The following PREX2 variants were observed in gnomAD, a reference collection of about 807,000 sequenced individuals.
PREX2 encodes phosphatidylinositol 3,4,5-trisphosphate-dependent Rac exchanger 2 protein.
Under a neutral mutation model 203.2 loss-of-function variants are expected in PREX2, and 107 were observed. The ratio of observed to expected loss-of-function variants is 0.53; its 90% confidence interval spans 0.45 to 0.62. The LOEUF (loss-of-function observed/expected upper bound fraction) is 0.62, where lower values mean the gene tolerates loss of function less well. Ranked by LOEUF, PREX2 falls within the 20% of genes least tolerant of loss-of-function variation. PREX2 has a pLI of 0.00. For missense variants in PREX2, 1,777 were observed against 1,955.9 expected, an observed-to-expected ratio of 0.91 and a Z score of 1.72; for synonymous variants, 672 against 663.6, an observed-to-expected ratio of 1.01 and a Z score of -0.19.
chr8:68,035,821 G>T (rs1359362086), intron 6 of PREX2, among the ~76,000 whole-genome samples: 2 of 152,234 alleles, frequency 1.3e-5, no homozygotes, highest in African/African-American at 4.8e-5. Flanking sequence ...AAGTGTTAAA[G>T]GTACATCATC....
intron 2 of PREX2, among the ~76,000 whole-genome samples, chr8:68,019,158 C>G (rs1807490630): frequency 6.6e-6 from 1 of 152,218 alleles, no homozygotes; most frequent in African/African-American, 2.4e-5. Context: ...AGAGCTGTCC[C>G]AGCTTTTACT....
chr8:68,113,248 T>G (rs542196872), intron 25 of PREX2, among the ~76,000 whole-genome samples: 18 of 152,202 alleles, frequency 1.2e-4, no homozygotes, highest in Non-Finnish European at 2.5e-4. Context: ...TGCAGCTGTT[T>G]TAAATAAAAA....
chr8:68,219,266 C>T (rs1812906216), intron 38 of PREX2, among the ~76,000 whole-genome samples: 2 of 151,756 alleles, frequency 1.3e-5, no homozygotes, highest in South Asian at 2.1e-4. Flanking sequence ...ATATCAAATA[C>T]GTTAACTTCT....
chr8:68,067,157 G>A (rs142422904), intron 11 of PREX2, among the ~76,000 whole-genome samples: 5 of 152,058 alleles, frequency 3.3e-5, no homozygotes, highest in African/African-American at 1.2e-4. Context: ...GTAATGTCAT[G>A]CCTTCAGCTT....
chr8:68,093,782 C>A lies in PREX2; in HGVS notation c.2368+60C>A, dbSNP rs574569432. The A allele has an allele frequency of 1.3e-5, 11 of 861,952 alleles. No individual in the cohort carries two copies. The East Asian group carries it at 2.2e-4, about 17-fold the overall frequency. 53.4% of individuals were successfully genotyped at this position (861,952 alleles called of 1,614,324 possible). ...GTATTCTTTTCCACTGTGCATGTGC[C>A]TACTCCCAAATATTGAAGGTCCTGT... is the stretch of plus-strand genomic sequence containing the variant. On this transcript the variant is annotated intron_variant, in intron 21 of 39. Transcript: ENST00000288368.
rs958367166 is a variant in PREX2, at chr8:68,232,388, T to C, written c.*1010T>C. 4.0e-5 allele frequency: 6 copies of C among 151,564 alleles called. No homozygotes were observed. The East Asian group carries it at 1.2e-3, about 30-fold the overall frequency. 9.4% of individuals were successfully genotyped at this position (151,564 alleles called of 1,614,324 possible). ...TTTAAAAGGACCATTAGGGGACTTG[T>C]AATTTATGGATGCACAAGGTGTATT... On this transcript the variant is annotated 3_prime_UTR_variant, in exon 40 of 40. Transcript: ENST00000288368.
intron 39 of PREX2, among the ~76,000 whole-genome samples, chr8:68,225,812 C>T (rs922114710): frequency 7.2e-5 from 11 of 152,122 alleles, no homozygotes; most frequent in African/African-American, 2.4e-4. Flanking sequence ...TTTTTACATA[C>T]GCATTCTCCA....
At chr8:68,024,688 C>T (rs2062684917) in intron 4 of PREX2, among the ~76,000 whole-genome samples, 1 of 151,702 alleles carries the variant, frequency 6.6e-6, no homozygotes, top group Non-Finnish European at 1.5e-5. Flanking sequence ...TTACTTTTTC[C>T]TACATGTCTT....
intron 19 of PREX2, among the ~76,000 whole-genome samples, chr8:68,089,325 C>G (rs144107870): frequency 2.0e-4 from 30 of 152,118 alleles, no homozygotes; most frequent in Middle Eastern, 3.4e-3. Flanking sequence ...GTTTTTTTTG[C>G]TCCTCAAAAT....
rs1439468218 is a variant in PREX2 at position 68,236,032 on chromosome 8, AAT to A, written c.*4655_*4656del. On this transcript the variant is annotated 3_prime_UTR_variant, in exon 40 of 40. Transcript: ENST00000288368. ...TATTATATTTACTAGTGTTTGTGATAATGTTATAAAAATTAATAAGATTGTTT... is the reference window on the plus strand; with the variant it reads ...TATTATATTTACTAGTGTTTGTGATAGTTATAAAAATTAATAAGATTGTTT... 1 of 152,132 alleles carries A rather than the reference AAT, an allele frequency of 6.6e-6. No homozygotes were observed. Among genetic ancestry groups the A allele is most frequent in the Admixed American group, 6.6e-5 (1 of 15,248 alleles). The allele number at this position is 152,132 out of a possible 1,614,324, so 9.4% of individuals were successfully genotyped here.
At position 68,060,691 on chromosome 8, in the gene PREX2, A is replaced by G. The variant is rs138742090; in HGVS notation, c.1251A>G (p.Ser417=). 1.1e-4 allele frequency: 182 copies of G among 1,610,746 alleles called. No individual in the cohort carries two copies. The African/African-American group carries it at 2.1e-3, about 19-fold the overall frequency. The part of the protein sequence containing the change: ...PKCFLGSEFV[S]WLLEIGEIHR... The stretch of plus-strand genomic sequence containing the variant: ...CTTTCTCTTGCAGCGAATTTGTGTC[A>G]TGGCTGTTGGAAATTGGAGAGATTC... Residue 417 remains serine (S), a synonymous_variant, in exon 11 of 40, where the codon TCA becomes TCG. Transcript: ENST00000288368.
At chr8:68,208,831 G>A (rs190712027) in intron 37 of PREX2, among the ~76,000 whole-genome samples, 111 of 152,148 alleles carry the variant, frequency 7.3e-4, no homozygotes, top group Non-Finnish European at 1.9e-4. Flanking sequence ...GCTCACACCT[G>A]TAATCCCAGC....
chr8:68,221,203 T>C (rs1812947664), intron 38 of PREX2, among the ~76,000 whole-genome samples: 1 of 152,206 alleles, frequency 6.6e-6, no homozygotes, highest in Admixed American at 6.6e-5. Flanking sequence ...ATTTTATCCT[T>C]TTTATGGCAT....
intron 17 of PREX2, 91 bp from the exon 18 acceptor site, chr8:68,083,149 C>A: frequency 2.2e-6 from 2 of 907,888 alleles, no homozygotes; most frequent in Non-Finnish European, 1.7e-6. Context: ...TATCTATAAG[C>A]TCTGAAACTT....
intron 13 of PREX2, among the ~76,000 whole-genome samples, chr8:68,071,742 A>G (rs1585758353): frequency 1.3e-5 from 2 of 152,206 alleles, no homozygotes; most frequent in South Asian, 2.1e-4. Flanking sequence ...ATGTAGTATC[A>G]CTATGTCCAT....
Position 68,191,640 on chromosome 8 carries a change from A to T in PREX2, c.4347-82A>T. 4 of 985,386 alleles carry T rather than the reference A, an allele frequency of 4.1e-6. No individual in the cohort carries two copies. The East Asian group carries it at 7.3e-5, about 18-fold the overall frequency. 61.0% of individuals were successfully genotyped at this position (985,386 alleles called of 1,614,324 possible). A position where few individuals can be genotyped will look rare whatever the true frequency, so the allele number is the denominator to read the frequency against. On this transcript the variant is annotated intron_variant, in intron 35 of 39. Coordinates refer to ENST00000288368, the MANE Select transcript of PREX2 (RefSeq NM_024870.4). ...GTTTATTCACTTGTTTTTAAAAAAA[A>T]GTCAGTGATTCTTGAACATCTTCAT...
chr8:68,138,618 G>T, intron 33 of PREX2, 101 bp downstream of exon 33: 1 of 531,918 alleles, frequency 1.9e-6, no homozygotes, highest in South Asian at 3.4e-5. Flanking sequence ...TGAACTGAAT[G>T]ATTGAAATGT....
chr8:68,170,967 C>A (rs976099933), intron 35 of PREX2, among the ~76,000 whole-genome samples: 2 of 152,100 alleles, frequency 1.3e-5, no homozygotes, highest in East Asian at 1.9e-4. Flanking sequence ...GAACAGTGTT[C>A]TTCGTGTCAA....
intron 5 of PREX2, among the ~76,000 whole-genome samples, chr8:68,028,750 C>T (rs1807801810): frequency 6.6e-6 from 1 of 151,930 alleles, no homozygotes. Flanking sequence ...ATTCCTGACC[C>T]TGATTTTGGA....
Sources: gnomAD v4.1 joint callset for allele counts (sites outside exome capture counted in the v4.1 genomes callset) on GRCh38, gnomAD v4.1.1 for gene constraint, MANE v1.5 for transcripts, NCBI Gene and HGNC (gene_info 2026-07-23, HGNC 2026-07-21) for gene names.